The following XIRP2 variants were observed in gnomAD, a reference collection of about 807,000 sequenced individuals.
XIRP2 encodes xin actin-binding repeat-containing protein 2.
In XIRP2, 236 loss-of-function variants were observed where a neutral mutation model predicts 277.0. That is an observed-to-expected ratio of 0.85 (90% CI 0.77 to 0.95). XIRP2 has a LOEUF of 0.95. Ranked by LOEUF, XIRP2 falls within the 40% of genes least tolerant of loss-of-function variation. XIRP2 has a pLI of 0.00. For missense variants in XIRP2, 4,640 were observed against 4,157.5 expected (o/e 1.12, Z -3.19); for synonymous variants, 1,490 against 1,416.5 (o/e 1.05, Z -1.17).
rs1054946439 is a variant in XIRP2, at chr2:167,245,615, C to A, written c.4223C>A (p.Pro1408His). 1 of 1,613,318 alleles carries A rather than the reference C, an allele frequency of 6.2e-7. No homozygotes were observed. The highest frequency in any genetic ancestry group is 8.5e-7 in the Non-Finnish European group (1 of 1,179,684). The change falls in exon 9 of 11, where the codon CCC becomes CAC. Residue 1408 changes from proline to histidine, a missense_variant. Transcript: ENST00000409195. ...TCTGAAGAATCACATAATATTATGC[C>A]CAGTATTGACCATATACAAGGTGGC... ...QISEESHNIM[P>H]SIDHIQGGNV...
intron 3 of XIRP2, among the ~76,000 whole-genome samples, chr2:167,172,963 G>A (rs1439140520): frequency 6.6e-6 from 1 of 152,174 alleles, no homozygotes; most frequent in Non-Finnish European, 1.5e-5. Flanking sequence ...GTAAAGACAG[G>A]CGTAAGAAAT....
At chr2:167,086,544 A>G (rs541796841) in intron 2 of XIRP2, among the ~76,000 whole-genome samples, 25 of 151,944 alleles carry the variant, frequency 1.6e-4, no homozygotes, top group Non-Finnish European at 1.9e-4. Context: ...GTGTTTTCCA[A>G]CTTGGTTCCA....
At chr2:166,980,891 C>T (rs547344616) in intron 2 of XIRP2, among the ~76,000 whole-genome samples, 6 of 151,766 alleles carry the variant, frequency 4.0e-5, no homozygotes, top group Non-Finnish European at 8.8e-5. Context: ...TACTTATTGG[C>T]TTTTTGGTCA....
intron 2 of XIRP2, among the ~76,000 whole-genome samples, chr2:166,935,468 G>A (rs556312258): frequency 2.6e-5 from 4 of 151,826 alleles, no homozygotes; most frequent in South Asian, 2.1e-4. Flanking sequence ...CAACGTGCAC[G>A]TTTGTTACAT....
rs761390014 is a variant in XIRP2 at position 167,251,015 on chromosome 2, T to C, written c.9623T>C (p.Val3208Ala). The C allele has an allele frequency of 5.6e-6, 9 of 1,613,648 alleles. No individual in the cohort carries two copies. Among genetic ancestry groups the C allele is most frequent in the Non-Finnish European group, 7.6e-6 (9 of 1,179,744 alleles). The stretch of plus-strand genomic sequence containing the variant: ...CCAGCAGCAACCCCGGTTCCAATTG[T>C]AGAGAAGAGGTCTGAAATCATCATG... ...PCPAATPVPI[V>A]EKRSEIIMSP... Residue 3208 changes from valine (V) to alanine (A), a missense_variant, in exon 9 of 11, where the codon GTA becomes GCA. Val to Ala is a moderately conservative substitution (Grantham distance 64). Coordinates refer to ENST00000409195, the MANE Select transcript of XIRP2 (RefSeq NM_152381.6).
At chr2:167,256,162 A>T (rs1321150414) in intron 10 of XIRP2, among the ~76,000 whole-genome samples, 1 of 151,484 alleles carries the variant, frequency 6.6e-6, no homozygotes, top group Non-Finnish European at 1.5e-5. Context: ...TTTTTGTATC[A>T]AGAAAGTTTG....
intron 2 of XIRP2, among the ~76,000 whole-genome samples, chr2:166,913,918 T>G (rs1201066924): frequency 6.6e-6 from 1 of 152,192 alleles, no homozygotes; most frequent in Non-Finnish European, 1.5e-5. Context: ...TTCAAGTAAG[T>G]GACTACTCTG....
rs1332128450 is a variant in XIRP2, at chr2:167,247,831, AC to A, written c.6441del (p.Asn2149IlefsTer5). 1 of 1,613,450 alleles carries A rather than the reference AC, an allele frequency of 6.2e-7. No homozygotes were observed. The highest frequency in any genetic ancestry group is 1.1e-5 in the South Asian group (1 of 91,020). On this transcript the variant is annotated frameshift_variant, in exon 9 of 11. Transcript: ENST00000409195. LOFTEE classifies it high-confidence loss of function. The part of the protein sequence containing the change: ...EGFHIKSPKK[T>X]KNIKILTDTQ... ...TTTTCATATAAAGAGTCCTAAAAAG[AC>A]CAAAAATATTAAAATATTAACTGAT...
intron 2 of XIRP2, among the ~76,000 whole-genome samples, chr2:167,127,306 T>TA (rs1329000265): frequency 3.3e-5 from 5 of 152,188 alleles, no homozygotes; most frequent in African/African-American, 4.8e-5. Flanking sequence ...GTTGTGCATC[T>TA]ATCATGACGA....
In XIRP2 at chr2:167,023,032, G is replaced by C. The variant is rs565599691; in HGVS notation, c.409-112877G>C. Among the ~76,000 whole-genome samples the C allele has an allele frequency of 3.2e-3, 490 of 152,140 alleles. 4 individuals are homozygous for C. Among genetic ancestry groups the C allele is most frequent in the African/African-American group, 0.011 (463 of 41,512 alleles). On this transcript the variant is annotated intron_variant, in intron 2 of 10. Coordinates refer to ENST00000409195, the MANE Select transcript of XIRP2 (RefSeq NM_152381.6). ...CTAGATCCCTGAGGAATCGCCACAC[G>C]GACTTCCACAATGGTTGAACTAGTT...
At chr2:167,183,319 G>A (rs182545108) in intron 3 of XIRP2, among the ~76,000 whole-genome samples, 1 of 152,308 alleles carries the variant, frequency 6.6e-6, no homozygotes, top group East Asian at 1.9e-4. Flanking sequence ...ACAAACATGA[G>A]AGAATGTAGA....
intron 3 of XIRP2, among the ~76,000 whole-genome samples, chr2:167,191,365 AAACT>A (rs1227185267): frequency 2.0e-5 from 3 of 152,162 alleles, no homozygotes; most frequent in African/African-American, 7.2e-5. Flanking sequence ...AGAGAACTAG[AAACT>A]AACTGTCTTG....
chr2:167,241,016 G>T (rs569192739), intron 7 of XIRP2, among the ~76,000 whole-genome samples: 6 of 152,012 alleles, frequency 3.9e-5, no homozygotes, highest in Admixed American at 1.3e-4. Context: ...TTTGCCTCAG[G>T]GACCTACAGT....
intron 2 of XIRP2, among the ~76,000 whole-genome samples, chr2:166,936,877 G>A (rs1685533965): frequency 6.6e-6 from 1 of 152,164 alleles, no homozygotes. Flanking sequence ...TTTGGCTTAG[G>A]ATTGTCTTGG....
At chr2:167,158,053 CAG>C (rs756583769) in intron 3 of XIRP2, among the ~76,000 whole-genome samples, 1 of 152,100 alleles carries the variant, frequency 6.6e-6, no homozygotes, top group African/African-American at 2.4e-5. Flanking sequence ...GTAACATAAA[CAG>C]AGTTTGCCAT....
At chr2:167,146,290 A>G (rs1305625478) in intron 3 of XIRP2, among the ~76,000 whole-genome samples, 1 of 152,108 alleles carries the variant, frequency 6.6e-6, no homozygotes, top group Non-Finnish European at 1.5e-5. Flanking sequence ...ACTTGAGGTC[A>G]GGAGTTCAAG....
chr2:167,073,047 A>G (rs1364938129), intron 2 of XIRP2, among the ~76,000 whole-genome samples: 2 of 152,178 alleles, frequency 1.3e-5, no homozygotes, highest in Non-Finnish European at 2.9e-5. Flanking sequence ...AACAATTATT[A>G]TATGTTAATT....
At chr2:166,935,628 C>G (rs1228263902) in intron 2 of XIRP2, among the ~76,000 whole-genome samples, 2 of 152,096 alleles carry the variant, frequency 1.3e-5, no homozygotes, top group Non-Finnish European at 2.9e-5. Flanking sequence ...TGTTCTCATT[C>G]TTCAATTCCC....
chr2:167,075,585 C>A (rs1294689062), intron 2 of XIRP2, among the ~76,000 whole-genome samples: 2 of 152,140 alleles, frequency 1.3e-5, no homozygotes, highest in East Asian at 3.9e-4. Context: ...CTTTTTAAAG[C>A]ATTATAATTT....
Sources: gnomAD v4.1 joint callset for allele counts (sites outside exome capture counted in the v4.1 genomes callset) on GRCh38, gnomAD v4.1.1 for gene constraint, MANE v1.5 for transcripts, NCBI Gene and HGNC (gene_info 2026-07-23, HGNC 2026-07-21) for gene names.